ZCWPW2: variants seen among roughly 807,000 people sequenced by gnomAD.
ZCWPW2 encodes the protein zinc finger CW-type PWWP domain protein 2.
ZCWPW2 carries 45 observed loss-of-function variants against 46.6 expected under a neutral mutation model. That is an observed-to-expected ratio of 0.96 (90% CI 0.76 to 1.24). The LOEUF (loss-of-function observed/expected upper bound fraction) is 1.24, where lower values mean the gene tolerates loss of function less well. Ranked by LOEUF, ZCWPW2 falls within the 50% of genes most tolerant of loss-of-function variation. ZCWPW2 has a pLI of 0.00. For synonymous variants in ZCWPW2, 152 were observed against 137.1 expected (o/e 1.11, Z -0.76); for missense variants, 429 against 403.9 (o/e 1.06, Z -0.53).
chr3:28,506,898 G>A (rs775974090), intron 6 of ZCWPW2, among the ~76,000 whole-genome samples: 1 of 152,066 alleles, frequency 6.6e-6, no homozygotes, highest in Non-Finnish European at 1.5e-5. Flanking sequence ...AGCAGAGTTG[G>A]ATATTTTCTG....
At chr3:28,485,234 T>C (rs1261080691) in intron 5 of ZCWPW2, among the ~76,000 whole-genome samples, 1 of 152,154 alleles carries the variant, frequency 6.6e-6, no homozygotes, top group Non-Finnish European at 1.5e-5. Context: ...TACCAGTTTC[T>C]GGCTTAATTC....
rs563350897 is a variant in ZCWPW2, at chr3:28,356,563, G to A, written c.-134+7360G>A. Among the ~76,000 whole-genome samples the A allele has an allele frequency of 2.6e-5, 4 of 152,252 alleles. No homozygotes were observed. The East Asian group carries it at 5.8e-4, about 22-fold the overall frequency. On this transcript the variant is annotated intron_variant, in intron 1 of 9. Coordinates refer to ENST00000383768, the MANE Select transcript of ZCWPW2 (RefSeq NM_001040432.4). ...TAAAGACACATGCACACATATGTTT[G>A]TTGCGGCACTATTCACGATAGCAAA...
intron 2 of ZCWPW2, among the ~76,000 whole-genome samples, chr3:28,403,392 T>G (rs1021811848): frequency 6.6e-6 from 1 of 152,004 alleles, no homozygotes; most frequent in Admixed American, 6.6e-5. Context: ...TTAGAAATCA[T>G]AGACAACACA....
At chr3:28,400,607 C>T (rs1695882614) in intron 2 of ZCWPW2, among the ~76,000 whole-genome samples, 1 of 152,178 alleles carries the variant, frequency 6.6e-6, no homozygotes, top group African/African-American at 2.4e-5. Flanking sequence ...AGAAACCCTA[C>T]AAGCTAGAAG....
chr3:28,386,044 A>G (rs1220183104), intron 1 of ZCWPW2, among the ~76,000 whole-genome samples: 3 of 151,942 alleles, frequency 2.0e-5, no homozygotes, highest in African/African-American at 7.3e-5. Context: ...TTGAAGAACC[A>G]GCTTTTGCTT....
chr3:28,412,358 CTA>C (rs1218745102), intron 2 of ZCWPW2, among the ~76,000 whole-genome samples: 5 of 151,768 alleles, frequency 3.3e-5, no homozygotes, highest in Non-Finnish European at 7.4e-5. Context: ...AAAGCTGAAA[CTA>C]TATGAGATTT....
intron 3 of ZCWPW2, among the ~76,000 whole-genome samples, chr3:28,417,118 A>G (rs886080743): frequency 6.6e-6 from 1 of 151,584 alleles, no homozygotes; most frequent in African/African-American, 2.4e-5. Context: ...AGACTAATAA[A>G]GAAGAAAAGA....
chr3:28,390,693 C>T (rs1040160227), intron 2 of ZCWPW2, 76 bp downstream of exon 2: 2 of 946,468 alleles, frequency 2.1e-6, no homozygotes, highest in African/African-American at 3.5e-5. Context: ...TTCTCTATTG[C>T]ATATATGCAA....
At position 28,496,326 on chromosome 3, in the gene ZCWPW2, C is replaced by A. The variant is rs141974769; in HGVS notation, c.657+4153C>A. ...ATTTCACTGAATTTTTAAAAATAAA[C>A]ATTTAGAAATATTTTTAGTGTTGCT... On this transcript the variant is annotated intron_variant, in intron 6 of 9. Coordinates refer to ENST00000383768, the MANE Select transcript of ZCWPW2 (RefSeq NM_001040432.4). Among the ~76,000 whole-genome samples the A allele has an allele frequency of 5.4e-3, 822 of 152,050 alleles. 29 individuals carry two copies. Among genetic ancestry groups the A allele is most frequent in the Admixed American group, 0.049 (746 of 15,228 alleles).
chr3:28,377,529 A>C (rs569551986), intron 1 of ZCWPW2, among the ~76,000 whole-genome samples: 89 of 152,152 alleles, frequency 5.8e-4, no homozygotes, highest in African/African-American at 1.9e-3. Flanking sequence ...TGAATTAAAA[A>C]CTTTTTTCAC....
At chr3:28,357,586 C>G (rs1269160128) in intron 1 of ZCWPW2, among the ~76,000 whole-genome samples, 4 of 151,766 alleles carry the variant, frequency 2.6e-5, no homozygotes, top group African/African-American at 4.8e-5. Flanking sequence ...CGTGCTCTCT[C>G]TGCTTGAATA....
chr3:28,440,098 T>C (rs553748790), intron 4 of ZCWPW2, among the ~76,000 whole-genome samples: 8 of 152,326 alleles, frequency 5.3e-5, no homozygotes, highest in Non-Finnish European at 8.8e-5. Context: ...CAGGGCATGG[T>C]AATACTAAGA....
intron 4 of ZCWPW2, 117 bp downstream of exon 4, chr3:28,435,386 GTTTA>G (rs1313808645): frequency 6.0e-6 from 5 of 826,994 alleles, no homozygotes; most frequent in Non-Finnish European, 6.8e-6. Flanking sequence ...AATGTATGCT[GTTTA>G]TTTAATTCAA....
In ZCWPW2 at chr3:28,521,068, T is replaced by G. The variant is rs749251914; in HGVS notation, c.861T>G (p.Pro287=). 4 of 1,610,328 alleles carry G rather than the reference T, an allele frequency of 2.5e-6. No individual in the cohort carries two copies. In the South Asian group the frequency reaches 4.4e-5, roughly 18 times the overall value. The change falls in exon 9 of 10, where the codon CCT becomes CCG. Residue 287 remains proline (P), a synonymous_variant. Coordinates refer to ENST00000383768, the MANE Select transcript of ZCWPW2 (RefSeq NM_001040432.4). Reference sequence around the variant, plus strand: ...AAGCACTGCAACCCACAGCCACACCTGATGAATCAGAAGAAGGACATGGAG... The same window carrying G: ...AAGCACTGCAACCCACAGCCACACCGGATGAATCAGAAGAAGGACATGGAG... ...LQQALQPTAT[P]DESEEGHGEE... is the part of the protein sequence containing the mutation.
intron 8 of ZCWPW2, among the ~76,000 whole-genome samples, chr3:28,517,100 G>A (rs977597187): frequency 6.6e-6 from 1 of 152,138 alleles, no homozygotes; most frequent in Admixed American, 6.5e-5. Context: ...GAAAATAAAA[G>A]AAAACTAAGT....
intron 2 of ZCWPW2, among the ~76,000 whole-genome samples, chr3:28,403,897 G>C (rs1292754599): frequency 6.6e-6 from 1 of 152,128 alleles, no homozygotes; most frequent in Non-Finnish European, 1.5e-5. Context: ...ATCAACTCAA[G>C]ATGGATTAAG....
Position 28,525,110 on chromosome 3 carries a change from CTA to C in ZCWPW2, c.*424_*425del, listed in dbSNP as rs1700817299. On this transcript the variant is annotated 3_prime_UTR_variant, in exon 10 of 10. Transcript: ENST00000383768. ...AATGTATATTTGCAGTGGAATCAAA[CTA>C]TTACAAAATAAAAGGAAATAATTTT... The C allele has an allele frequency of 6.6e-6, 1 of 152,098 alleles. No homozygotes were observed. Among genetic ancestry groups the C allele is most frequent in the Non-Finnish European group, 1.5e-5 (1 of 68,068 alleles). The allele number at this position is 152,098 out of a possible 1,614,324, so 9.4% of individuals were successfully genotyped here. A position where few individuals can be genotyped will look rare whatever the true frequency, so the allele number is the denominator to read the frequency against.
chr3:28,524,424 A>C, intron 9 of ZCWPW2, 103 bp from the exon 10 acceptor site: 1 of 1,185,758 alleles, frequency 8.4e-7, no homozygotes, highest in East Asian at 2.4e-5. Context: ...ATAACAGAAA[A>C]GTTTGTGTAG....
intron 4 of ZCWPW2, among the ~76,000 whole-genome samples, chr3:28,457,637 A>G (rs1010585848): frequency 5.9e-5 from 9 of 152,244 alleles, no homozygotes; most frequent in African/African-American, 2.2e-4. Context: ...TTAGATAAGC[A>G]CTGGCCTTAA....
Sources: gnomAD v4.1 joint callset for allele counts (sites outside exome capture counted in the v4.1 genomes callset) on GRCh38, gnomAD v4.1.1 for gene constraint, MANE v1.5 for transcripts, NCBI Gene and HGNC (gene_info 2026-07-23, HGNC 2026-07-21) for gene names.